Variants in EML5 observed in about 807,000 individuals in gnomAD.
EML5 encodes the protein EMAP like 5.
Under a neutral mutation model 250.0 loss-of-function variants are expected in EML5, and 120 were observed. That is an observed-to-expected ratio of 0.48 (90% CI 0.41 to 0.56). The LOEUF (loss-of-function observed/expected upper bound fraction) is 0.56. Ranked by LOEUF, EML5 falls within the 20% of genes least tolerant of loss-of-function variation. The pLI is 0.00. For missense variants in EML5, 2,006 were observed against 2,437.6 expected, an observed-to-expected ratio of 0.82 and a Z score of 3.73; for synonymous variants, 771 against 806.5, an observed-to-expected ratio of 0.96 and a Z score of 0.75.
At chr14:88,713,710 C>T (rs910803134) in intron 9 of EML5, among the ~76,000 whole-genome samples, 5 of 151,856 alleles carry the variant, frequency 3.3e-5, no homozygotes, top group South Asian at 4.2e-4. Context: ...TCCACTTTGG[C>T]CTCCCAAAGT....
At chr14:88,618,186 C>G (rs545277903) in intron 41 of EML5, 42 bp downstream of exon 41, 3 of 1,558,108 alleles carry the variant, frequency 1.9e-6, no homozygotes, top group African/African-American at 2.7e-5. Context: ...TCTAACTGGC[C>G]TTCAAAGTCA....
At position 88,618,667 on chromosome 14, in the gene EML5, C is replaced by A; in HGVS notation, c.5521G>T (p.Asp1841Tyr). 1 of 1,612,868 alleles carries A rather than the reference C, an allele frequency of 6.2e-7. No individual in the cohort carries two copies. Among genetic ancestry groups the A allele is most frequent in the Non-Finnish European group, 8.5e-7 (1 of 1,179,438 alleles). The change falls in exon 40 of 44, where the codon GAT becomes TAT. Residue 1841 changes from aspartate to tyrosine, a missense_variant. Physicochemically the swap from Asp to Tyr is radical, Grantham distance 160. Around this residue, in one of 7 missense-constraint regions of EML5, gnomAD observed 405 missense variants for 523.3 expected, o/e 0.77. Transcript: ENST00000554922. ...SFVIQMDFSA[D>Y]SSYLQVSSGC... ...TACTGTACCTGGAGATAACTGCTAT[C>A]TGCAGAGAAGTCCATTTGAATGACA...
rs1344515126 is a variant in EML5 at position 88,612,930 on chromosome 14, C to A, written c.*2888G>T. On this transcript the variant is annotated 3_prime_UTR_variant, in exon 44 of 44. Coordinates refer to ENST00000554922, the MANE Select transcript of EML5 (RefSeq NM_183387.3). Reference sequence around the variant, plus strand: ...AGGTGGTTAGAAAAGTGGATTAATGCAAAAGGGGTAATAAAGACTGCAACA... The same window carrying A: ...AGGTGGTTAGAAAAGTGGATTAATGAAAAAGGGGTAATAAAGACTGCAACA... 1 of 149,032 alleles carries A rather than the reference C, an allele frequency of 6.7e-6. No individual in the cohort carries two copies. The highest frequency in any genetic ancestry group is 6.7e-5 in the Admixed American group (1 of 14,868). The allele number at this position is 149,032 out of a possible 1,614,324, so 9.2% of individuals were successfully genotyped here. A position where few individuals can be genotyped will look rare whatever the true frequency, so the allele number is the denominator to read the frequency against.
At chr14:88,755,965 A>G (rs1270449679) in intron 1 of EML5, among the ~76,000 whole-genome samples, 2 of 152,224 alleles carry the variant, frequency 1.3e-5, no homozygotes, top group African/African-American at 2.4e-5. Context: ...GCAATGAGCT[A>G]TGACTGCACC....
chr14:88,786,411 T>C (rs2094551702), intron 1 of EML5, among the ~76,000 whole-genome samples: 1 of 152,232 alleles, frequency 6.6e-6, no homozygotes, highest in Non-Finnish European at 1.5e-5. Context: ...TTCACTGCCA[T>C]ATCTCTAGTG....
chr14:88,641,974 T>C (rs1017039797), intron 31 of EML5, among the ~76,000 whole-genome samples: 1 of 152,216 alleles, frequency 6.6e-6, no homozygotes, highest in Non-Finnish European at 1.5e-5. Context: ...CTCTAATCAG[T>C]ATGTTTTAAA....
intron 33 of EML5, 78 bp from the exon 34 acceptor site, chr14:88,627,897 C>T (rs2090130319): frequency 1.5e-6 from 2 of 1,321,580 alleles, no homozygotes; most frequent in South Asian, 2.6e-5. Flanking sequence ...GCATATTCAT[C>T]TGTGAAACAT....
At chr14:88,747,182 C>T (rs1452561122) in intron 2 of EML5, among the ~76,000 whole-genome samples, 1 of 151,938 alleles carries the variant, frequency 6.6e-6, no homozygotes, top group Non-Finnish European at 1.5e-5. Context: ...AAGGCCAAGG[C>T]AGGTGGATTG....
intron 2 of EML5, among the ~76,000 whole-genome samples, chr14:88,748,609 G>A (rs1291845089): frequency 1.3e-5 from 2 of 152,090 alleles, no homozygotes; most frequent in African/African-American, 4.8e-5. Flanking sequence ...AGGAAAATGT[G>A]ACTAATAACC....
chr14:88,712,293 G>A lies in EML5; in HGVS notation c.1635C>T (p.Phe545=), dbSNP rs762440703. 3.5e-5 allele frequency: 57 copies of A among 1,609,852 alleles called. No homozygotes were observed. The highest frequency in any genetic ancestry group is 7.7e-5 in the South Asian group (7 of 90,862). ...TADDYGIIKL[F]RYPCLRKGAK... is the part of the protein sequence containing the mutation. ...TACCTTTTCTTAAACATGGATATCGGAATAATTTTATAATTCCATAGTCAT... is the reference window on the plus strand; with the variant it reads ...TACCTTTTCTTAAACATGGATATCGAAATAATTTTATAATTCCATAGTCAT... The change falls in exon 10 of 44, where the codon TTC becomes TTT. Residue 545 remains phenylalanine (F), a synonymous_variant. Transcript: ENST00000554922.
chr14:88,708,083 G>A (rs1039977499), intron 10 of EML5, among the ~76,000 whole-genome samples: 8 of 152,104 alleles, frequency 5.3e-5, no homozygotes, highest in Non-Finnish European at 1.2e-4. Context: ...ACTTTTCTTT[G>A]AGACTTCTCA....
At chr14:88,665,689 AAGGGGCAAAGGAGAAGGGGCG>A (rs2140991833) in intron 21 of EML5, among the ~76,000 whole-genome samples, 200 bp from the exon 22 acceptor site, 1 of 152,288 alleles carries the variant, frequency 6.6e-6, no homozygotes, top group East Asian at 1.9e-4. Flanking sequence ...GGGAAGGGGC[AAGGGGCAAAGGAGAAGGGGCG>A]AGGGGGAAGA....
chr14:88,784,061 T>C (rs2140820256), intron 1 of EML5, among the ~76,000 whole-genome samples: 1 of 152,244 alleles, frequency 6.6e-6, no homozygotes, highest in Non-Finnish European at 1.5e-5. Flanking sequence ...AGTGGGTCCA[T>C]GAAGAAATTA....
At chr14:88,744,825 C>T (rs2140286419) in intron 3 of EML5, among the ~76,000 whole-genome samples, 1 of 152,128 alleles carries the variant, frequency 6.6e-6, no homozygotes, top group Admixed American at 6.5e-5. Flanking sequence ...AAAAGGTTTA[C>T]ATTTTTGGTA....
rs2093419874 is a variant in EML5, at chr14:88,712,215, A to G, written c.1657+56T>C. The G allele has an allele frequency of 1.7e-5, 21 of 1,238,900 alleles. 1 individual carries two copies. The South Asian group carries it at 2.8e-4, about 16-fold the overall frequency. 76.7% of individuals were successfully genotyped at this position (1,238,900 alleles called of 1,614,324 possible). On this transcript the variant is annotated intron_variant, in intron 10 of 43. Transcript: ENST00000554922. The stretch of plus-strand genomic sequence containing the variant: ...TATCTCAAGACTAATTTTCTGCAAG[A>G]ACACGAAAGTCTTCTGTGAGAGAGA...
chr14:88,705,074 C>T (rs2139752065), intron 12 of EML5, 96 bp from the exon 13 acceptor site: 1 of 794,924 alleles, frequency 1.3e-6, no homozygotes, highest in Non-Finnish European at 1.9e-6. Flanking sequence ...TGTCTGAAAA[C>T]AACAGCTTTA....
Position 88,620,655 on chromosome 14 carries a change from C to T in EML5, c.5375+99G>A, listed in dbSNP as rs1595206202. 3.6e-5 allele frequency: 34 copies of T among 947,476 alleles called. No homozygotes were observed. In the East Asian group the frequency reaches 9.6e-4, roughly 27 times the overall value. The allele number at this position is 947,476 out of a possible 1,614,324, so 58.7% of individuals were successfully genotyped here. A position where few individuals can be genotyped will look rare whatever the true frequency, so the allele number is the denominator to read the frequency against. On this transcript the variant is annotated intron_variant, in intron 39 of 43. Coordinates refer to ENST00000554922, the MANE Select transcript of EML5 (RefSeq NM_183387.3). This position sits in a 1 kb window ranked among gnomAD's most constrained non-coding sequence, Gnocchi z 4.3. ...TTTATAATACGGGAAATGCTACAGG[C>T]CCTGGGGACCTCTTTTTGAAGGCAA...
intron 40 of EML5, 76 bp downstream of exon 40, chr14:88,618,573 AC>A: frequency 6.7e-7 from 1 of 1,488,584 alleles, no homozygotes; most frequent in East Asian, 2.3e-5. Flanking sequence ...GAGCTCAGGA[AC>A]TTTAAATGCA....
chr14:88,660,282 TA>T (rs35634830), intron 25 of EML5, among the ~76,000 whole-genome samples: 516 of 133,740 alleles, frequency 3.9e-3, no homozygotes, highest in Admixed American at 3.9e-3. Context: ...GACGCTGTCT[TA>T]AAAAAAAAAA....
Sources: gnomAD v4.1 joint callset for allele counts (sites outside exome capture counted in the v4.1 genomes callset) on GRCh38, gnomAD v4.1.1 for gene constraint, gnomAD v4.1.1 regional missense constraint, Gnocchi (gnomAD v3.1) non-coding constraint, MANE v1.5 for transcripts, NCBI Gene and HGNC (gene_info 2026-07-23, HGNC 2026-07-21) for gene names.